The following DSG4 variants were observed in gnomAD, a reference collection of about 807,000 sequenced individuals.
The protein encoded by DSG4 is desmoglein 4.
Under a neutral mutation model 93.1 loss-of-function variants are expected in DSG4, and 87 were observed. The observed-to-expected ratio is 0.93, with a 90% confidence interval of 0.79 to 1.12. The LOEUF (loss-of-function observed/expected upper bound fraction) is 1.12. DSG4 is among the 50% of genes most tolerant of loss of function. The pLI is 0.00. For missense variants in DSG4, 1,373 were observed against 1,285.7 expected (o/e 1.07, Z -1.04); for synonymous variants, 432 against 452.9 (o/e 0.95, Z 0.59).
intron 15 of DSG4, among the ~76,000 whole-genome samples, chr18:31,412,502 A>T (rs2072505502): frequency 6.6e-6 from 1 of 152,348 alleles, no homozygotes; most frequent in African/African-American, 2.4e-5. Context: ...TTTTAAAAGA[A>T]CTAAAATAGA....
intron 1 of DSG4, among the ~76,000 whole-genome samples, chr18:31,380,363 T>C (rs1340240934): frequency 6.6e-6 from 1 of 152,176 alleles, no homozygotes; most frequent in Non-Finnish European, 1.5e-5. Context: ...GAGTTCCGTA[T>C]AGAGCAATGA....
intron 8 of DSG4, among the ~76,000 whole-genome samples, chr18:31,393,643 A>G (rs1482035946): frequency 6.6e-6 from 1 of 152,196 alleles, no homozygotes; most frequent in East Asian, 1.9e-4. Context: ...AACTTTGGGA[A>G]TCACATTTAA....
chr18:31,377,292 G>A (rs552981599), intron 1 of DSG4, among the ~76,000 whole-genome samples: 3 of 152,310 alleles, frequency 2.0e-5, no homozygotes, highest in South Asian at 2.1e-4. Context: ...ATAGATTGCT[G>A]TGAAAACTGC....
chr18:31,411,609 T>C (rs1479798699), intron 15 of DSG4, among the ~76,000 whole-genome samples, 161 bp downstream of exon 15: 2 of 152,122 alleles, frequency 1.3e-5, no homozygotes, highest in African/African-American at 2.4e-5. Flanking sequence ...AAACACAAAA[T>C]GCTAATTTGC....
chr18:31,406,524 A>G lies in DSG4; in HGVS notation c.1933+151A>G, dbSNP rs551653167. ...TAGAAATAAACAATGGGACTGACAA[A>G]TATATGCGCTTAATCCACAATGATA... On this transcript the variant is annotated intron_variant, in intron 12 of 15. Transcript: ENST00000308128. 352 of 844,988 alleles carry G rather than the reference A, an allele frequency of 4.2e-4. 7 individuals carry two copies. In the South Asian group the frequency reaches 5.3e-3, roughly 13 times the overall value. 52.3% of individuals were successfully genotyped at this position (844,988 alleles called of 1,614,324 possible).
At position 31,409,579 on chromosome 18, in the gene DSG4, T is replaced by C. The variant is rs1017864081; in HGVS notation, c.2061T>C (p.His687=). 12 of 1,614,044 alleles carry C rather than the reference T, an allele frequency of 7.4e-6. No individual in the cohort carries two copies. Among genetic ancestry groups the C allele is most frequent in the Non-Finnish European group, 1.0e-5 (12 of 1,180,040 alleles). Residue 687 remains histidine, a synonymous_variant, in exon 13 of 16, where the codon CAT becomes CAC. Transcript: ENST00000308128. ...AGTCTTGGAGAATTGAAGGGGCCCA[T>C]CCCGAGGACAGGGTAAGTGGACTGT... The part of the protein sequence containing the change: ...VMQSWRIEGA[H]PEDRDVSNIC...
In DSG4 at chr18:31,413,467, C is replaced by G. The variant is rs1329981334; in HGVS notation, c.2995C>G (p.Pro999Ala). The G allele has an allele frequency of 1.2e-6, 2 of 1,611,686 alleles. No homozygotes were observed. The highest frequency in any genetic ancestry group is 3.3e-5 in the Admixed American group (2 of 59,940). ...GATGAGCGGCAATATTTTAGTAGGG[C>G]CAGAAATTCAAGTGATGCAAATGAT... ...PVMSGNILVG[P>A]EIQVMQMMSP... is the part of the protein sequence containing the mutation. Residue 999 changes from proline (P) to alanine (A), a missense_variant, in exon 16 of 16, where the codon CCA (proline) becomes GCA (alanine). Transcript: ENST00000308128.
chr18:31,380,377 C>T (rs531491124), intron 1 of DSG4, among the ~76,000 whole-genome samples: 8 of 152,226 alleles, frequency 5.3e-5, no homozygotes, highest in East Asian at 1.9e-4. Context: ...GCAATGAAAC[C>T]GTTGTTTAAG....
At chr18:31,379,352 A>G (rs749020782) in intron 1 of DSG4, among the ~76,000 whole-genome samples, 38 of 152,214 alleles carry the variant, frequency 2.5e-4, no homozygotes, top group Admixed American at 9.2e-4. Context: ...CAATTCTAAA[A>G]TTATCTCCAC....
chr18:31,404,960 T>A (rs1259390556), intron 11 of DSG4, among the ~76,000 whole-genome samples: 1 of 152,210 alleles, frequency 6.6e-6, no homozygotes, highest in East Asian at 1.9e-4. Context: ...ACACTGGAGA[T>A]GATATTCCTA....
intron 8 of DSG4, among the ~76,000 whole-genome samples, chr18:31,396,945 A>G (rs957913645): frequency 6.6e-6 from 1 of 152,150 alleles, no homozygotes; most frequent in South Asian, 2.1e-4. Flanking sequence ...TGTACCAGGA[A>G]ATGAGCCTTC....
chr18:31,413,576 T>G lies in DSG4; in HGVS notation c.3104T>G (p.Ile1035Arg). 8.7e-6 allele frequency: 14 copies of G among 1,613,832 alleles called. No homozygotes were observed. Among genetic ancestry groups the G allele is most frequent in the African/African-American group, 1.3e-5 (1 of 75,012 alleles). The change falls in exon 16 of 16, where the codon ATA becomes AGA. Residue 1035 changes from isoleucine (I) to arginine (R), a missense_variant. Ile to Arg is a moderately conservative substitution (Grantham distance 97). Coordinates refer to ENST00000308128, the MANE Select transcript of DSG4 (RefSeq NM_177986.5). ...SRHRVTRYSN[I>R]HYTQQ ...CACAGAGTAACACGATACAGTAACA[T>G]ACATTACACCCAACAGTAAGTGCTT...
chr18:31,410,275 T>C (rs1353109168), intron 14 of DSG4, among the ~76,000 whole-genome samples: 1 of 151,998 alleles, frequency 6.6e-6, no homozygotes, highest in East Asian at 1.9e-4. Context: ...ATCTTTAAAA[T>C]TGAGCTTATG....
chr18:31,411,559 C>A, intron 15 of DSG4, 111 bp downstream of exon 15: 1 of 1,271,138 alleles, frequency 7.9e-7, no homozygotes, highest in Non-Finnish European at 1.1e-6. Flanking sequence ...ATTCTCAACC[C>A]TATCCCAAAC....
At chr18:31,409,904 C>G in intron 14 of DSG4, 96 bp downstream of exon 14, 1 of 1,391,702 alleles carries the variant, frequency 7.2e-7, no homozygotes, top group Middle Eastern at 1.8e-4. Context: ...AAAAGTCTGT[C>G]AGTCTCTTTG....
intron 8 of DSG4, among the ~76,000 whole-genome samples, chr18:31,394,302 G>T (rs1301563879): frequency 6.6e-6 from 1 of 152,136 alleles, no homozygotes; most frequent in Non-Finnish European, 1.5e-5. Flanking sequence ...CACCGGCCTG[G>T]CAAAGTGGCT....
intron 12 of DSG4, among the ~76,000 whole-genome samples, chr18:31,406,885 C>A (rs1317653681): frequency 6.6e-6 from 1 of 151,912 alleles, no homozygotes; most frequent in East Asian, 1.9e-4. Context: ...TCAAATGATT[C>A]TCCTGCCTCA....
chr18:31,386,037 G>T (rs1466063364), intron 2 of DSG4, among the ~76,000 whole-genome samples: 1 of 152,030 alleles, frequency 6.6e-6, no homozygotes, highest in African/African-American at 2.4e-5. Flanking sequence ...GCAACTTAAG[G>T]CTACGAAAGA....
At position 31,414,618 on chromosome 18, in the gene DSG4, A is replaced by C. The variant is rs901861679; in HGVS notation, c.*1023A>C. On this transcript the variant is annotated 3_prime_UTR_variant, in exon 16 of 16. Transcript: ENST00000308128. Reference sequence around the variant, plus strand: ...AGCTTCTATTCATTTCTAGACTTAAAATAAAACTCTGGGATATGGCTTTAA... The same window carrying C: ...AGCTTCTATTCATTTCTAGACTTAACATAAAACTCTGGGATATGGCTTTAA... The C allele has an allele frequency of 1.3e-5, 2 of 152,210 alleles. No homozygotes were observed. The highest frequency in any genetic ancestry group is 4.8e-5 in the African/African-American group (2 of 41,454). The allele number at this position is 152,210 out of a possible 1,614,324, so 9.4% of individuals were successfully genotyped here. A position where few individuals can be genotyped will look rare whatever the true frequency, so the allele number is the denominator to read the frequency against.
Sources: allele counts gnomAD v4.1 joint callset (sites outside exome capture counted in the v4.1 genomes callset), GRCh38; gene constraint gnomAD v4.1.1; transcripts MANE v1.5; gene names NCBI Gene and HGNC (gene_info 2026-07-23, HGNC 2026-07-21).